Variants in MUC4 observed in about 807,000 individuals in gnomAD.
The protein encoded by MUC4 is mucin 4, cell surface associated, also known as mucin-4.
A neutral mutation model predicts 257.9 loss-of-function variants in MUC4; 202 were observed. The ratio of observed to expected loss-of-function variants is 0.78; its 90% CI spans 0.70 to 0.88. The LOEUF is 0.88. Among genes scored for constraint, MUC4 ranks in the 40% least tolerant of loss-of-function variants. MUC4 has a pLI of 0.00. For missense variants in MUC4, 5,976 were observed against 6,513.7 expected, an observed-to-expected ratio of 0.92 and a Z score of 2.84; for synonymous variants, 2,351 against 2,757.1, an observed-to-expected ratio of 0.85 and a Z score of 4.62.
intron 21 of MUC4, 162 bp from the exon 22 acceptor site, chr3:195,751,433 T>G: frequency 1.6e-6 from 1 of 643,886 alleles, no homozygotes; most frequent in Non-Finnish European, 2.8e-6. Context: ...CACTCTAGCC[T>G]AGCTCAGTGA....
intron 1 of MUC4, among the ~76,000 whole-genome samples, chr3:195,797,520 AC>A (rs2149058164): frequency 6.6e-6 from 1 of 152,306 alleles, no homozygotes; most frequent in Non-Finnish European, 1.5e-5. Context: ...GTCAATTATA[AC>A]CCCGTGTAAA....
At chr3:195,753,792 G>A (rs943900825) in intron 19 of MUC4, 15 of 198,196 alleles carry the variant, frequency 7.6e-5, no homozygotes, top group African/African-American at 1.9e-4. Context: ...GTCCTGACTC[G>A]TGAGATGCAG....
intron 7 of MUC4, among the ~76,000 whole-genome samples, chr3:195,768,418 C>T (rs544772821): frequency 2.0e-5 from 3 of 152,198 alleles, no homozygotes; most frequent in African/African-American, 7.2e-5. Flanking sequence ...CCCACAGCCC[C>T]GTGCCTCCTC....
At position 195,778,294 on chromosome 3, in the gene MUC4, T is replaced by G. The variant is rs1380288892; in HGVS notation, c.12943+9A>C. On this transcript the variant is annotated intron_variant, in intron 3 of 24. Transcript: ENST00000463781. ...TCAAAAGGCACAGGCCTCACCTGTA[T>G]GGCCTCACCTCTCTCAGGCAGGATG... is the stretch of plus-strand genomic sequence containing the variant. 1.2e-6 allele frequency: 2 copies of G among 1,605,170 alleles called. No homozygotes were observed. Among genetic ancestry groups the G allele is most frequent in the Non-Finnish European group, 8.5e-7 (1 of 1,176,622 alleles).
intron 7 of MUC4, among the ~76,000 whole-genome samples, chr3:195,767,453 C>T (rs910616392): frequency 8.9e-4 from 130 of 145,496 alleles, no homozygotes; most frequent in Middle Eastern, 3.6e-3. Context: ...ACCACCACCA[C>T]CACCAACACT....
At chr3:195,775,681 GA>G (rs1724409776) in intron 3 of MUC4, among the ~76,000 whole-genome samples, 1 of 4,848 alleles carries the variant, frequency 2.1e-4, no homozygotes, top group Non-Finnish European at 3.3e-4. Flanking sequence ...CTTCCACACC[GA>G]TACCTTCCAC....
In MUC4 at chr3:195,750,956, A is replaced by G; in HGVS notation, c.15804T>C (p.Ser5268=). ...AGACCACGTCGTTCCTGGGCTCCTC[A>G]CTCCTCCGTGGAACGTGGTATAAGA... is the stretch of plus-strand genomic sequence containing the variant. ...EAFLYHVPRR[S]EEPRNDVVFQ... is the part of the protein sequence containing the mutation. The change falls in exon 23 of 25, where the codon AGT becomes AGC. Residue 5268 remains serine (S), a synonymous_variant. Transcript: ENST00000463781. The G allele has an allele frequency of 6.2e-7, 1 of 1,613,150 alleles. No individual in the cohort carries two copies. The highest frequency in any genetic ancestry group is 8.5e-7 in the Non-Finnish European group (1 of 1,179,806).
At position 195,757,625 on chromosome 3, in the gene MUC4, A is replaced by G. The variant is rs909490020; in HGVS notation, c.14987-297T>C. Among the ~76,000 whole-genome samples, 1 of 152,102 alleles carries G rather than the reference A, an allele frequency of 6.6e-6. No homozygotes were observed. The highest frequency in any genetic ancestry group is 1.5e-5 in the Non-Finnish European group (1 of 68,004). On this transcript the variant is annotated intron_variant, in intron 17 of 24. Coordinates refer to ENST00000463781, the MANE Select transcript of MUC4 (RefSeq NM_018406.7). The surrounding 1 kb of genome is among the most constrained non-coding windows in gnomAD (Gnocchi z 4.8). The stretch of plus-strand genomic sequence containing the variant: ...CAGCCCTGGCTGGGCTCACACCAGG[A>G]TGGGACATCCTGGGGGATGGAGGAT...
intron 1 of MUC4, among the ~76,000 whole-genome samples, chr3:195,803,006 C>G (rs1174892102): frequency 6.6e-6 from 1 of 152,086 alleles, no homozygotes; most frequent in Non-Finnish European, 1.5e-5. Flanking sequence ...CACTCCCTCC[C>G]TTTTCTTGTC....
At chr3:195,798,131 A>G (rs1274207062) in intron 1 of MUC4, among the ~76,000 whole-genome samples, 1 of 152,144 alleles carries the variant, frequency 6.6e-6, no homozygotes, top group Non-Finnish European at 1.5e-5. Context: ...AAGAGATTTA[A>G]AAACAAAATA....
rs745956359 is a variant in MUC4 at position 195,783,981 on chromosome 3, A to G, written c.7599T>C (p.Asn2533=). The G allele has an allele frequency of 4.1e-5, 56 of 1,376,030 alleles. 4 individuals are homozygous for G. In the African/African-American group the frequency reaches 5.7e-4, roughly 14 times the overall value. 85.2% of individuals were successfully genotyped at this position (1,376,030 alleles called of 1,614,324 possible). ...CGTGACGTGTGGATAATGAGGAAGC[A>G]TTGGTGACAGGAAGAGGGGTGGTGT... The part of the protein sequence containing the change: ...TGDTTPLPVT[N]ASSLSTRHAT... Residue 2533 remains asparagine, a synonymous_variant, in exon 2 of 25, where the codon AAT becomes AAC. Coordinates refer to ENST00000463781, the MANE Select transcript of MUC4 (RefSeq NM_018406.7).
intron 1 of MUC4, among the ~76,000 whole-genome samples, chr3:195,793,451 G>C (rs1311461828): frequency 6.6e-6 from 1 of 151,738 alleles, no homozygotes; most frequent in African/African-American, 2.4e-5. Flanking sequence ...GCAGTGAGCA[G>C]ACATCATGCC....
Position 195,811,718 on chromosome 3 carries a change from G to A in MUC4, c.82+18C>T. The A allele has an allele frequency of 6.2e-7, 1 of 1,612,484 alleles. No homozygotes were observed. ...GTGCTCCCCGCAGCCAGCCTCATCT[G>A]CTGTCTCCATCACTTACCTGGGACC... is the stretch of plus-strand genomic sequence containing the variant. On this transcript the variant is annotated intron_variant, in intron 1 of 24. Transcript: ENST00000463781.
At chr3:195,797,869 G>A (rs2149058908) in intron 1 of MUC4, among the ~76,000 whole-genome samples, 1 of 152,220 alleles carries the variant, frequency 6.6e-6, no homozygotes, top group Non-Finnish European at 1.5e-5. Flanking sequence ...GCTTTGAGAG[G>A]CTGAGGCAGG....
At chr3:195,801,056 C>A (rs898202850) in intron 1 of MUC4, among the ~76,000 whole-genome samples, 8 of 152,144 alleles carry the variant, frequency 5.3e-5, no homozygotes, top group Non-Finnish European at 1.0e-4. Context: ...GTTTGTAAGC[C>A]AAAACCATCT....
intron 19 of MUC4, 133 bp from the exon 20 acceptor site, chr3:195,753,363 A>T: frequency 1.2e-6 from 1 of 833,186 alleles, no homozygotes; most frequent in Non-Finnish European, 1.9e-6. Flanking sequence ...ACCCCAAACC[A>T]TCCTTCCCCC....
In MUC4 at chr3:195,810,268, C is replaced by G. The variant is rs1736532288; in HGVS notation, c.82+1468G>C. 1 of 152,308 alleles carries G rather than the reference C, an allele frequency of 6.6e-6. No individual in the cohort carries two copies. The highest frequency in any genetic ancestry group is 6.5e-5 in the Admixed American group (1 of 15,294). The allele number at this position is 152,308 out of a possible 1,614,324, so 9.4% of individuals were successfully genotyped here. A position where few individuals can be genotyped will look rare whatever the true frequency, so the allele number is the denominator to read the frequency against. On this transcript the variant is annotated intron_variant, in intron 1 of 24. Transcript: ENST00000463781. This position sits in a 1 kb window ranked among gnomAD's most constrained non-coding sequence, Gnocchi z 4.2. ...AACGGCACTCGCCTTCTGACTCACTCCCAGGAAGCTCCTCAAATATGCGCC... is the reference window on the plus strand; with the variant it reads ...AACGGCACTCGCCTTCTGACTCACTGCCAGGAAGCTCCTCAAATATGCGCC...
chr3:195,804,909 A>G (rs1735784358), intron 1 of MUC4, among the ~76,000 whole-genome samples: 1 of 152,260 alleles, frequency 6.6e-6, no homozygotes, highest in Admixed American at 6.5e-5. Context: ...TACCCTTGGA[A>G]TAACAGACCT....
At chr3:195,794,901 G>A (rs925330492) in intron 1 of MUC4, among the ~76,000 whole-genome samples, 8 of 152,210 alleles carry the variant, frequency 5.3e-5, no homozygotes, top group Non-Finnish European at 1.0e-4. Flanking sequence ...ACTGCTTACT[G>A]GTGACACACT....
Sources: gnomAD v4.1 joint callset for allele counts (sites outside exome capture counted in the v4.1 genomes callset) on GRCh38, gnomAD v4.1.1 for gene constraint, Gnocchi (gnomAD v3.1) non-coding constraint, MANE v1.5 for transcripts, NCBI Gene and HGNC (gene_info 2026-07-23, HGNC 2026-07-21) for gene names.